The following COPG2 variants were observed in gnomAD, a reference collection of about 807,000 sequenced individuals.
The protein encoded by COPG2 is coat protein complex I subunit gamma 2.
In COPG2, 37 loss-of-function variants were observed where a neutral mutation model predicts 46.3. That is an observed-to-expected ratio of 0.80 (90% CI 0.61 to 1.05). COPG2 has a LOEUF of 1.05. Ranked by LOEUF, COPG2 falls within the 50% of genes least tolerant of loss-of-function variation. The pLI, the probability that COPG2 is intolerant of heterozygous loss-of-function variation, is 0.00. For synonymous variants in COPG2, 159 were observed against 129.7 expected (o/e 1.23, Z -1.53); for missense variants, 427 against 387.8 (o/e 1.10, Z -0.85).
intron 20 of COPG2, among the ~76,000 whole-genome samples, chr7:130,512,731 T>G (rs1196534558): frequency 6.6e-6 from 1 of 151,136 alleles, no homozygotes; most frequent in African/African-American, 2.4e-5. Flanking sequence ...GGTGACAGAG[T>G]GAGTTTCCGT....
intron 5 of COPG2, among the ~76,000 whole-genome samples, chr7:130,626,889 G>C (rs1795130157): frequency 6.6e-6 from 1 of 151,892 alleles, no homozygotes; most frequent in Non-Finnish European, 1.5e-5. Context: ...TCTTTAAATT[G>C]TATGTCTAGC....
chr7:130,506,943 T>TAAAC lies in COPG2; in HGVS notation c.2486-141_2486-138dup, dbSNP rs1480344327. The stretch of plus-strand genomic sequence containing the variant: ...CCAGAGACTTGTGGAAACTGAATCC[T>TAAAC]AAACAAACATAAATTCCAAATATAT... On this transcript the variant is annotated intron_variant, in intron 23 of 23. Coordinates refer to ENST00000425248, the MANE Select transcript of COPG2 (RefSeq NM_012133.6). 3.5e-5 allele frequency: 21 copies of TAAAC among 597,516 alleles called. No individual in the cohort carries two copies. In the African/African-American group the frequency reaches 3.6e-4, roughly 10 times the overall value. The allele number at this position is 597,516 out of a possible 1,614,324, so 37.0% of individuals were successfully genotyped here. A position where few individuals can be genotyped will look rare whatever the true frequency, so the allele number is the denominator to read the frequency against.
intron 9 of COPG2, among the ~76,000 whole-genome samples, chr7:130,601,678 A>G (rs1168967363): frequency 1.3e-5 from 2 of 152,176 alleles, no homozygotes; most frequent in Non-Finnish European, 2.9e-5. Flanking sequence ...GTGGGAAGCC[A>G]GGGGAGGGAT....
At chr7:130,523,390 G>A (rs1210967752) in intron 20 of COPG2, among the ~76,000 whole-genome samples, 3 of 152,242 alleles carry the variant, frequency 2.0e-5, no homozygotes, top group African/African-American at 7.2e-5. Context: ...AGAAGAAACC[G>A]AGCCCAAAAG....
At chr7:130,541,203 C>A (rs1799933247) in intron 20 of COPG2, among the ~76,000 whole-genome samples, 1 of 152,088 alleles carries the variant, frequency 6.6e-6, no homozygotes. Context: ...CACCGGGTAC[C>A]CTGGTGGTGG....
At chr7:130,571,871 G>A (rs892417029) in intron 9 of COPG2, among the ~76,000 whole-genome samples, 16 of 151,502 alleles carry the variant, frequency 1.1e-4, no homozygotes, top group South Asian at 2.1e-4. Context: ...ACACAAACGC[G>A]CGCACACACA....
chr7:130,610,224 C>G (rs544576795), intron 9 of COPG2: 1 of 420,120 alleles, frequency 2.4e-6, no homozygotes, highest in African/African-American at 2.1e-5. Context: ...TTTTTAGCAG[C>G]TAATAGTTGA....
intron 20 of COPG2, among the ~76,000 whole-genome samples, chr7:130,530,035 G>A (rs1799809381): frequency 6.6e-6 from 1 of 152,158 alleles, no homozygotes; most frequent in Non-Finnish European, 1.5e-5. Flanking sequence ...CCAGAGTTTG[G>A]AGAGGGTCAG....
chr7:130,591,176 G>A (rs1554448806), intron 9 of COPG2, among the ~76,000 whole-genome samples: 22,854 of 134,590 alleles, frequency 0.17, 1,529 homozygotes, highest in Non-Finnish European at 0.21. Flanking sequence ...CAGCCGCCCC[G>A]TCCGGGAGGT....
At chr7:130,513,359 G>GTGTGTGTA (rs1282542780) in intron 20 of COPG2, among the ~76,000 whole-genome samples, 57 of 36,646 alleles carry the variant, frequency 1.6e-3, no homozygotes, top group Admixed American at 1.9e-3. Context: ...GTGTGTGTGT[G>GTGTGTGTA]TATATATATA....
chr7:130,628,371 AT>A (rs1457579081), intron 5 of COPG2, among the ~76,000 whole-genome samples: 1 of 151,674 alleles, frequency 6.6e-6, no homozygotes, highest in Non-Finnish European at 1.5e-5. Flanking sequence ...ACTTCTTTAA[AT>A]TTTTTTTAGT....
At chr7:130,646,956 T>TAC (rs1255588472) in intron 5 of COPG2, among the ~76,000 whole-genome samples, 3 of 124,212 alleles carry the variant, frequency 2.4e-5, no homozygotes, top group African/African-American at 9.8e-5. Flanking sequence ...TATATATATA[T>TAC]GCATATATAT....
intron 9 of COPG2, among the ~76,000 whole-genome samples, chr7:130,591,668 C>T (rs1199780210): frequency 1.3e-5 from 2 of 148,608 alleles, no homozygotes; most frequent in East Asian, 2.1e-4. Flanking sequence ...TGCCCGGCCG[C>T]CCCTACTGGG....
At chr7:130,576,747 AATAACTAAG>A (rs1801320753) in intron 9 of COPG2, among the ~76,000 whole-genome samples, 3 of 152,342 alleles carry the variant, frequency 2.0e-5, no homozygotes, top group Non-Finnish European at 2.9e-5. Flanking sequence ...GAAGAAAGGA[AATAACTAAG>A]ATCAGAGCAA....
At chr7:130,610,928 C>T in intron 9 of COPG2, 25 bp downstream of exon 9, 3 of 1,612,890 alleles carry the variant, frequency 1.9e-6, no homozygotes, top group African/African-American at 1.3e-5. Context: ...TGGAAAATAA[C>T]CCAGGTTTAG....
chr7:130,636,538 G>GTTTTTTTTTTT (rs59688621), intron 5 of COPG2, among the ~76,000 whole-genome samples: 8 of 94,118 alleles, frequency 8.5e-5, no homozygotes, highest in African/African-American at 1.7e-4. Context: ...ATTGCAACCG[G>GTTTTTTTTTTT]TTTTTTTTTT....
At chr7:130,624,565 C>A (rs1795087421) in intron 5 of COPG2, among the ~76,000 whole-genome samples, 1 of 152,076 alleles carries the variant, frequency 6.6e-6, no homozygotes, top group Non-Finnish European at 1.5e-5. Flanking sequence ...ATCCCTCACC[C>A]CCTCCTAACC....
At chr7:130,575,998 C>T (rs1793993099) in intron 9 of COPG2, among the ~76,000 whole-genome samples, 2 of 152,080 alleles carry the variant, frequency 1.3e-5, no homozygotes, top group Admixed American at 1.3e-4. Context: ...TGGTAAAAGC[C>T]CTTGTCCAAC....
chr7:130,540,767 A>C (rs2116370400), intron 20 of COPG2, among the ~76,000 whole-genome samples: 1 of 152,248 alleles, frequency 6.6e-6, no homozygotes, highest in South Asian at 2.1e-4. Flanking sequence ...CAGGGAGTCA[A>C]GGTGGCCATC....
Sources: gnomAD v4.1 joint callset for allele counts (sites outside exome capture counted in the v4.1 genomes callset) on GRCh38, gnomAD v4.1.1 for gene constraint, MANE v1.5 for transcripts, NCBI Gene and HGNC (gene_info 2026-07-23, HGNC 2026-07-21) for gene names.